Variants in PRTFDC1 observed in about 807,000 individuals in gnomAD.
The protein encoded by PRTFDC1 is phosphoribosyl transferase domain containing 1.
Under a neutral mutation model 34.6 loss-of-function variants are expected in PRTFDC1, and 38 were observed. The ratio of observed to expected loss-of-function variants is 1.10; its 90% confidence interval spans 0.85 to 1.44. PRTFDC1 has a LOEUF of 1.44. PRTFDC1 is among the 40% of genes most tolerant of loss of function. PRTFDC1 has a pLI of 0.00. For synonymous variants in PRTFDC1, 93 were observed against 98.1 expected (o/e 0.95, Z 0.31); for missense variants, 270 against 283.0 (o/e 0.95, Z 0.33).
At chr10:24,923,201 C>G (rs1853943) in intron 3 of PRTFDC1, among the ~76,000 whole-genome samples, 49,215 of 152,188 alleles carry the variant, frequency 0.32, 9,368 homozygotes, top group African/African-American at 0.53. Flanking sequence ...CCTCTCTAGA[C>G]TCCACCTCTG....
chr10:24,886,373 G>A (rs1176257911), intron 3 of PRTFDC1, among the ~76,000 whole-genome samples: 1 of 152,174 alleles, frequency 6.6e-6, no homozygotes, highest in Non-Finnish European at 1.5e-5. Flanking sequence ...AAGTAACTTT[G>A]CCCAAGTTCC....
At chr10:24,925,086 TAG>T (rs1415229268) in intron 3 of PRTFDC1, among the ~76,000 whole-genome samples, 2 of 152,212 alleles carry the variant, frequency 1.3e-5, no homozygotes, top group Non-Finnish European at 2.9e-5. Context: ...CCATCAATGA[TAG>T]ACTGGATTAA....
At chr10:24,884,819 G>A (rs569626559) in intron 3 of PRTFDC1, among the ~76,000 whole-genome samples, 7 of 152,208 alleles carry the variant, frequency 4.6e-5, no homozygotes, top group African/African-American at 7.2e-5. Flanking sequence ...TCAGCAGGAC[G>A]GCCTCCCCAG....
chr10:24,931,536 G>T (rs1419110593), intron 3 of PRTFDC1, among the ~76,000 whole-genome samples: 1 of 151,676 alleles, frequency 6.6e-6, no homozygotes, highest in Non-Finnish European at 1.5e-5. Context: ...ATACTATCAG[G>T]ACTGAAAGAG....
At chr10:24,928,474 C>T (rs1239181313) in intron 3 of PRTFDC1, among the ~76,000 whole-genome samples, 7 of 152,080 alleles carry the variant, frequency 4.6e-5, no homozygotes, top group African/African-American at 1.7e-4. Flanking sequence ...GACAGAGTCT[C>T]GCTCTGTTGC....
intron 3 of PRTFDC1, among the ~76,000 whole-genome samples, chr10:24,888,507 G>T (rs1848207796): frequency 6.6e-6 from 1 of 152,190 alleles, no homozygotes; most frequent in Non-Finnish European, 1.5e-5. Flanking sequence ...AGCGGACATG[G>T]GAGTGAATTA....
intron 3 of PRTFDC1, among the ~76,000 whole-genome samples, chr10:24,907,378 T>G (rs1848553462): frequency 6.6e-6 from 1 of 152,140 alleles, no homozygotes; most frequent in Non-Finnish European, 1.5e-5. Context: ...GTGGATCACT[T>G]GAGGTCAGGA....
chr10:24,892,201 G>T (rs1482713494), intron 3 of PRTFDC1, among the ~76,000 whole-genome samples: 1 of 152,072 alleles, frequency 6.6e-6, no homozygotes, highest in Non-Finnish European at 1.5e-5. Flanking sequence ...TGCCCAGGCT[G>T]ATCTTGAACT....
intron 1 of PRTFDC1, among the ~76,000 whole-genome samples, chr10:24,949,127 A>C (rs10828732): frequency 0.21 from 31,580 of 152,010 alleles, 3,697 homozygotes; most frequent in African/African-American, 0.31. Context: ...TCTCACTCTG[A>C]CACCCAGGCT....
chr10:24,909,941 G>A (rs1020994966), intron 3 of PRTFDC1, among the ~76,000 whole-genome samples: 6 of 151,544 alleles, frequency 4.0e-5, no homozygotes, highest in South Asian at 2.1e-4. Context: ...GCTTGAGGTC[G>A]GGAGTTTGAG....
intron 1 of PRTFDC1, among the ~76,000 whole-genome samples, chr10:24,950,351 A>C (rs1316988697): frequency 6.6e-6 from 1 of 152,082 alleles, no homozygotes. Context: ...CTGGTTGAGC[A>C]TCCCTAATCT....
intron 3 of PRTFDC1, among the ~76,000 whole-genome samples, chr10:24,896,529 C>T (rs988308996): frequency 2.0e-5 from 3 of 152,148 alleles, no homozygotes; most frequent in Non-Finnish European, 2.9e-5. Flanking sequence ...TCCCAGAGTT[C>T]ACTAGCTCAA....
intron 3 of PRTFDC1, among the ~76,000 whole-genome samples, chr10:24,916,343 C>A (rs1002246202): frequency 2.0e-5 from 3 of 152,164 alleles, no homozygotes; most frequent in Non-Finnish European, 4.4e-5. Context: ...CACACACAGA[C>A]TTATTCTTTA....
chr10:24,939,174 G>A (rs766972075), intron 2 of PRTFDC1, among the ~76,000 whole-genome samples: 11 of 151,618 alleles, frequency 7.3e-5, no homozygotes, highest in Admixed American at 2.0e-4. Context: ...GGTGGTCTGC[G>A]CCTGTAATCC....
At chr10:24,914,957 G>T (rs1226025586) in intron 3 of PRTFDC1, among the ~76,000 whole-genome samples, 1 of 152,060 alleles carries the variant, frequency 6.6e-6, no homozygotes, top group East Asian at 1.9e-4. Context: ...TTCTCATAGG[G>T]GTCAAGGGTT....
Position 24,849,632 on chromosome 10 carries a change from C to G in PRTFDC1, c.*212G>C. The G allele has an allele frequency of 1.9e-6, 1 of 513,758 alleles. No homozygotes were observed. The highest frequency in any genetic ancestry group is 3.5e-6 in the Non-Finnish European group (1 of 288,750). The allele number at this position is 513,758 out of a possible 1,614,324, so 31.8% of individuals were successfully genotyped here. A position where few individuals can be genotyped will look rare whatever the true frequency, so the allele number is the denominator to read the frequency against. On this transcript the variant is annotated 3_prime_UTR_variant, in exon 9 of 9. Transcript: ENST00000320152. ...ACAAGGCGGAGTGTTTAATTTGGAA[C>G]AAGTCAAATAAAAGCACTGCTTTCT...
intron 3 of PRTFDC1, among the ~76,000 whole-genome samples, chr10:24,901,480 T>C (rs1173183992): frequency 6.6e-6 from 1 of 152,158 alleles, no homozygotes; most frequent in Non-Finnish European, 1.5e-5. Context: ...ATCCCAGCAC[T>C]TTGGGAGGCC....
intron 3 of PRTFDC1, among the ~76,000 whole-genome samples, chr10:24,874,317 T>C (rs1198886378): frequency 6.6e-6 from 1 of 152,170 alleles, no homozygotes; most frequent in Non-Finnish European, 1.5e-5. Flanking sequence ...TATTCACAAG[T>C]AGTCATGACA....
At chr10:24,887,192 G>A (rs1323799649) in intron 3 of PRTFDC1, among the ~76,000 whole-genome samples, 6 of 150,650 alleles carry the variant, frequency 4.0e-5, no homozygotes, top group African/African-American at 1.5e-4. Context: ...GGATGGTCTC[G>A]ATCTCCTGAC....
Sources: gnomAD v4.1 joint callset for allele counts (sites outside exome capture counted in the v4.1 genomes callset) on GRCh38, gnomAD v4.1.1 for gene constraint, MANE v1.5 for transcripts, NCBI Gene and HGNC (gene_info 2026-07-23, HGNC 2026-07-21) for gene names.